Variants in IFT88 observed in about 807,000 individuals in gnomAD.
IFT88 encodes intraflagellar transport 88, also known as intraflagellar transport protein 88 homolog.
A neutral mutation model predicts 119.5 loss-of-function variants in IFT88; 74 were observed. That is an observed-to-expected ratio of 0.62 (90% CI 0.51 to 0.75). The LOEUF (loss-of-function observed/expected upper bound fraction) is 0.75. IFT88 is among the 30% of genes least tolerant of loss of function. The pLI is 0.00. For synonymous variants in IFT88, 279 were observed against 316.7 expected, an observed-to-expected ratio of 0.88 and a Z score of 1.26; for missense variants, 961 against 977.7, an observed-to-expected ratio of 0.98 and a Z score of 0.23.
At chr13:20,580,942 G>A (rs2038505705) in intron 2 of IFT88, among the ~76,000 whole-genome samples, 1 of 151,900 alleles carries the variant, frequency 6.6e-6, no homozygotes, top group Non-Finnish European at 1.5e-5. Flanking sequence ...AGCCAGGATG[G>A]TCTCGATCTC....
At chr13:20,602,057 A>T (rs1594064686) in intron 12 of IFT88, 124 bp downstream of exon 12, 2 of 612,152 alleles carry the variant, frequency 3.3e-6, no homozygotes, top group South Asian at 2.2e-5. Flanking sequence ...AATGTGTTTT[A>T]TTATTGATGT....
intron 11 of IFT88, among the ~76,000 whole-genome samples, 200 bp downstream of exon 11, chr13:20,599,765 T>A (rs1190688794): frequency 6.6e-6 from 1 of 152,150 alleles, no homozygotes; most frequent in Non-Finnish European, 1.5e-5. Context: ...AAGCATTGTA[T>A]ATGATCATAT....
intron 14 of IFT88, among the ~76,000 whole-genome samples, chr13:20,623,410 G>A (rs2046829879): frequency 6.6e-6 from 1 of 152,126 alleles, no homozygotes; most frequent in Non-Finnish European, 1.5e-5. Context: ...GAGTAGTATT[G>A]ATATCTTAAA....
chr13:20,646,237 G>A, intron 20 of IFT88, among the ~76,000 whole-genome samples: 1 of 150,858 alleles, frequency 6.6e-6, no homozygotes, highest in East Asian at 1.9e-4. Context: ...CCTCTCTGTA[G>A]TTCAGTCACC....
chr13:20,646,806 A>T (rs902688984), intron 20 of IFT88, among the ~76,000 whole-genome samples: 41 of 148,292 alleles, frequency 2.8e-4, no homozygotes, highest in African/African-American at 8.5e-4. Context: ...TCCATACTAG[A>T]TTGCTTAATT....
At position 20,643,690 on chromosome 13, in the gene IFT88, A is replaced by G. The variant is rs2050301490; in HGVS notation, c.1833+85A>G. The stretch of plus-strand genomic sequence containing the variant: ...AGGCAGCAAGGCTTTAAAATTTTAG[A>G]AGATCTTACCAGTTTTAAAATGATT... On this transcript the variant is annotated intron_variant, in intron 19 of 25. Transcript: ENST00000351808. The G allele has an allele frequency of 3.5e-6, 3 of 864,404 alleles. No individual in the cohort carries two copies. The East Asian group carries it at 7.4e-5, about 21-fold the overall frequency. 53.5% of individuals were successfully genotyped at this position (864,404 alleles called of 1,614,324 possible).
intron 23 of IFT88, among the ~76,000 whole-genome samples, chr13:20,667,097 C>G (rs916803318): frequency 3.3e-5 from 5 of 152,190 alleles, no homozygotes; most frequent in Admixed American, 2.6e-4. Context: ...TCCTGCACAT[C>G]TTAGCGTTGA....
intron 2 of IFT88, among the ~76,000 whole-genome samples, chr13:20,575,680 A>G (rs1418052990): frequency 6.6e-6 from 1 of 152,204 alleles, no homozygotes; most frequent in African/African-American, 2.4e-5. Context: ...AGATACTGAT[A>G]TCATGCTTGT....
At chr13:20,581,870 A>C (rs2038743899) in intron 2 of IFT88, among the ~76,000 whole-genome samples, 1 of 147,240 alleles carries the variant, frequency 6.8e-6, no homozygotes, top group African/African-American at 2.5e-5. Context: ...AAAAAAAAAA[A>C]GATAATTTAA....
At chr13:20,677,740 C>T (rs2056853229) in intron 24 of IFT88, among the ~76,000 whole-genome samples, 3 of 152,128 alleles carry the variant, frequency 2.0e-5, no homozygotes, top group Non-Finnish European at 2.9e-5. Flanking sequence ...AATTGAATAT[C>T]ATCTTCTTAA....
Position 20,591,739 on chromosome 13 carries a change from TTG to T in IFT88, c.328+61_328+62del. The T allele has an allele frequency of 2.7e-6, 3 of 1,123,690 alleles. No homozygotes were observed. In the South Asian group the frequency reaches 4.0e-5, roughly 15 times the overall value. 69.6% of individuals were successfully genotyped at this position (1,123,690 alleles called of 1,614,324 possible). On this transcript the variant is annotated intron_variant, in intron 6 of 25. Transcript: ENST00000351808. ...TTGGATCTTTTAATCTTTTATCATTTTGTGATATAAATATTACTGTCATTTTA... is the reference window on the plus strand; with the variant it reads ...TTGGATCTTTTAATCTTTTATCATTTTGATATAAATATTACTGTCATTTTA...
chr13:20,572,745 C>G (rs2036626331), intron 1 of IFT88, among the ~76,000 whole-genome samples: 1 of 152,140 alleles, frequency 6.6e-6, no homozygotes, highest in Admixed American at 6.5e-5. Flanking sequence ...ATCATCACCC[C>G]AGAAAATTCT....
intron 20 of IFT88, among the ~76,000 whole-genome samples, chr13:20,645,452 T>G (rs1178095086): frequency 6.6e-6 from 1 of 152,202 alleles, no homozygotes; most frequent in African/African-American, 2.4e-5. Flanking sequence ...GATAAATATA[T>G]TTCCCTTTGC....
intron 3 of IFT88, among the ~76,000 whole-genome samples, chr13:20,589,306 A>T (rs2040258552): frequency 6.6e-6 from 1 of 152,226 alleles, no homozygotes; most frequent in African/African-American, 2.4e-5. Context: ...CATTTTTAGT[A>T]TACTTTCATC....
At chr13:20,642,806 A>G (rs1177970180) in intron 18 of IFT88, 1 of 151,928 alleles carries the variant, frequency 6.6e-6, no homozygotes, top group African/African-American at 2.4e-5. Flanking sequence ...GTGGTATCAC[A>G]CTTGTCATCG....
At chr13:20,582,326 T>A (rs1162360814) in intron 2 of IFT88, among the ~76,000 whole-genome samples, 1 of 152,228 alleles carries the variant, frequency 6.6e-6, no homozygotes, top group Non-Finnish European at 1.5e-5. Flanking sequence ...ATTTCAGGAA[T>A]CAGCAAAGCA....
chr13:20,567,839 G>C, intron 1 of IFT88: 1 of 1,094,196 alleles, frequency 9.1e-7, no homozygotes, highest in Non-Finnish European at 1.2e-6. Context: ...TTACTAGTCC[G>C]ATTTTCTGGT....
chr13:20,650,783 C>T (rs1431342560), intron 20 of IFT88, among the ~76,000 whole-genome samples: 1 of 152,046 alleles, frequency 6.6e-6, no homozygotes, highest in East Asian at 1.9e-4. Flanking sequence ...ATAAAATTAA[C>T]CCACAAAACT....
intron 24 of IFT88, among the ~76,000 whole-genome samples, chr13:20,674,009 T>TA (rs2056298752): frequency 6.6e-6 from 1 of 152,198 alleles, no homozygotes; most frequent in Admixed American, 6.5e-5. Context: ...CATCTCGAGT[T>TA]ATGCATCATC....
Sources: allele counts gnomAD v4.1 joint callset (sites outside exome capture counted in the v4.1 genomes callset), GRCh38; gene constraint gnomAD v4.1.1; transcripts MANE v1.5; gene names NCBI Gene and HGNC (gene_info 2026-07-23, HGNC 2026-07-21).